Variants in SLIT2 observed in about 807,000 individuals in gnomAD.
SLIT2 encodes slit homolog 2 protein.
In SLIT2, 41 loss-of-function variants were observed where a neutral mutation model predicts 185.7. The ratio of observed to expected loss-of-function variants is 0.22; its 90% CI spans 0.17 to 0.29. The LOEUF is 0.29. Among genes scored for constraint, SLIT2 ranks in the 10% least tolerant of loss-of-function variants. The pLI, the probability that SLIT2 is intolerant of heterozygous loss-of-function variation, is 1.00. For synonymous variants in SLIT2, 693 were observed against 680.2 expected (o/e 1.02, Z -0.29); for missense variants, 1,571 against 1,909.0 (o/e 0.82, Z 3.30).
At chr4:20,442,616 C>T (rs988817403) in intron 4 of SLIT2, among the ~76,000 whole-genome samples, 14 of 150,892 alleles carry the variant, frequency 9.3e-5, no homozygotes, top group South Asian at 2.1e-4. Context: ...CGGAAAGGAG[C>T]GAATTGTAGA....
chr4:20,358,358 A>AT (rs1412091617), intron 4 of SLIT2, among the ~76,000 whole-genome samples: 1 of 152,164 alleles, frequency 6.6e-6, no homozygotes, highest in East Asian at 1.9e-4. Context: ...TATCCACTGT[A>AT]TTTTTAACGC....
chr4:20,524,911 C>T (rs1016262372), intron 14 of SLIT2, among the ~76,000 whole-genome samples: 13 of 152,134 alleles, frequency 8.5e-5, no homozygotes, highest in Non-Finnish European at 1.6e-4. Context: ...AGGCGTATTT[C>T]ACATTCGGCA....
chr4:20,414,896 T>G (rs1379084413), intron 4 of SLIT2, among the ~76,000 whole-genome samples: 2 of 152,186 alleles, frequency 1.3e-5, no homozygotes, highest in Non-Finnish European at 2.9e-5. Context: ...GCTTCTTGGA[T>G]GTATAGATTT....
intron 22 of SLIT2, among the ~76,000 whole-genome samples, chr4:20,547,419 T>A (rs533466126): frequency 6.6e-6 from 1 of 152,178 alleles, no homozygotes; most frequent in East Asian, 1.9e-4. Context: ...GATACAACTC[T>A]AGGCAAGTTA....
At chr4:20,430,395 A>G (rs1334605357) in intron 4 of SLIT2, among the ~76,000 whole-genome samples, 1 of 152,174 alleles carries the variant, frequency 6.6e-6, no homozygotes, top group Non-Finnish European at 1.5e-5. Context: ...GTTTTTGAAG[A>G]CATTATGCAC....
In SLIT2 at chr4:20,620,125, G is replaced by A. The variant is rs545950112; in HGVS notation, c.*1116G>A. ...TTGTACAGAAAGAAGTGGCCCCTCT[G>A]CAACATGTCCTCACAGAAACGAAAT... On this transcript the variant is annotated 3_prime_UTR_variant, in exon 37 of 37. Coordinates refer to ENST00000504154, the MANE Select transcript of SLIT2 (RefSeq NM_004787.4). 11 of 235,246 alleles carry A rather than the reference G, an allele frequency of 4.7e-5. No individual in the cohort carries two copies. In the East Asian group the frequency reaches 6.0e-4, roughly 13 times the overall value. 14.6% of individuals were successfully genotyped at this position (235,246 alleles called of 1,614,324 possible).
intron 4 of SLIT2, among the ~76,000 whole-genome samples, chr4:20,289,968 G>T (rs754807825): frequency 6.6e-5 from 10 of 152,178 alleles, no homozygotes; most frequent in Non-Finnish European, 1.3e-4. Flanking sequence ...AGCTGCACAG[G>T]CATATGCAGT....
At chr4:20,544,142 G>A (rs1413612662) in intron 21 of SLIT2, among the ~76,000 whole-genome samples, 1 of 151,982 alleles carries the variant, frequency 6.6e-6, no homozygotes, top group African/African-American at 2.4e-5. Context: ...CCTGCATGTT[G>A]TGCACATGTA....
At chr4:20,471,430 T>C (rs985415487) in intron 5 of SLIT2, among the ~76,000 whole-genome samples, 1 of 152,134 alleles carries the variant, frequency 6.6e-6, no homozygotes, top group African/African-American at 2.4e-5. Context: ...TAGTATTTGG[T>C]GTAAGAAGAA....
intron 4 of SLIT2, among the ~76,000 whole-genome samples, chr4:20,387,357 C>T (rs1725014035): frequency 6.6e-6 from 1 of 151,822 alleles, no homozygotes; most frequent in African/African-American, 2.4e-5. Flanking sequence ...TAAACCCATT[C>T]CACATCAATG....
rs1013712326 is a variant in SLIT2 at position 20,254,276 on chromosome 4, G to C, written c.179+282G>C. Among the ~76,000 whole-genome samples the C allele has an allele frequency of 6.6e-6, 1 of 152,164 alleles. No homozygotes were observed. The highest frequency in any genetic ancestry group is 1.5e-5 in the Non-Finnish European group (1 of 68,034). The stretch of plus-strand genomic sequence containing the variant: ...GCTAGTTCTCTGGGGCTGGGGAGCG[G>C]GTAGATAGGGGACAAGTACTGGAGG... On this transcript the variant is annotated intron_variant, in intron 1 of 36. Transcript: ENST00000504154. This position sits in a 1 kb window ranked among gnomAD's most constrained non-coding sequence, Gnocchi z 5.1.
rs142149579 is a variant in SLIT2, at chr4:20,489,092, T to C, written c.775+110T>C. The C allele has an allele frequency of 8.6e-5, 64 of 748,272 alleles. 1 individual carries two copies. In the African/African-American group the frequency reaches 9.5e-4, roughly 11 times the overall value. 46.4% of individuals were successfully genotyped at this position (748,272 alleles called of 1,614,324 possible). A position where few individuals can be genotyped will look rare whatever the true frequency, so the allele number is the denominator to read the frequency against. On this transcript the variant is annotated intron_variant, in intron 8 of 36. Transcript: ENST00000504154. Reference sequence around the variant, plus strand: ...TCAGTATTGTTCACTAATGTTCAATTGTGCACTAATCACTCTACAGAGATC... The same window carrying C: ...TCAGTATTGTTCACTAATGTTCAATCGTGCACTAATCACTCTACAGAGATC...
chr4:20,255,150 C>T, intron 1 of SLIT2: 1 of 426,642 alleles, frequency 2.3e-6, no homozygotes, highest in Non-Finnish European at 4.7e-6. Context: ...CAGGGGCCAG[C>T]GCGTCTGGAT....
At chr4:20,556,770 C>T (rs1176987273) in intron 26 of SLIT2, among the ~76,000 whole-genome samples, 2 of 151,998 alleles carry the variant, frequency 1.3e-5, no homozygotes, top group African/African-American at 2.4e-5. Flanking sequence ...AGGAAGGCCA[C>T]GTTGAAAGCC....
At chr4:20,314,720 A>T (rs1393000786) in intron 4 of SLIT2, among the ~76,000 whole-genome samples, 4 of 152,148 alleles carry the variant, frequency 2.6e-5, no homozygotes, top group East Asian at 1.9e-4. Context: ...GACTTTATTT[A>T]AAAAGACAAA....
At chr4:20,603,756 ACT>A (rs1162239337) in intron 33 of SLIT2, among the ~76,000 whole-genome samples, 7 of 152,120 alleles carry the variant, frequency 4.6e-5, no homozygotes, top group African/African-American at 1.7e-4. Flanking sequence ...GGCTACATAC[ACT>A]CTGGGTTGTG....
At position 20,395,674 on chromosome 4, in the gene SLIT2, G is replaced by A. The variant is rs76374027; in HGVS notation, c.396-72078G>A. On this transcript the variant is annotated intron_variant, in intron 4 of 36. Coordinates refer to ENST00000504154, the MANE Select transcript of SLIT2 (RefSeq NM_004787.4). ...ATAAAATACATTACCTTTATAAATA[G>A]CTACATGCTAGCTCTTAACACAGAT... Among the ~76,000 whole-genome samples, 728 of 152,004 alleles carry A rather than the reference G, an allele frequency of 4.8e-3. 7 individuals are homozygous for A. Among genetic ancestry groups the A allele is most frequent in the African/African-American group, 0.017 (692 of 41,486 alleles).
intron 29 of SLIT2, among the ~76,000 whole-genome samples, chr4:20,571,518 A>C (rs536097430): frequency 2.0e-5 from 3 of 152,316 alleles, no homozygotes; most frequent in Non-Finnish European, 4.4e-5. Flanking sequence ...TTTTGAAATC[A>C]TTGACACATA....
chr4:20,440,329 A>G (rs1205241843), intron 4 of SLIT2, among the ~76,000 whole-genome samples: 1 of 152,216 alleles, frequency 6.6e-6, no homozygotes, highest in African/African-American at 2.4e-5. Flanking sequence ...TGGGCTTGGC[A>G]GGGATGCATT....
Sources: gnomAD v4.1 joint callset for allele counts (sites outside exome capture counted in the v4.1 genomes callset) on GRCh38, gnomAD v4.1.1 for gene constraint, Gnocchi (gnomAD v3.1) non-coding constraint, MANE v1.5 for transcripts, NCBI Gene and HGNC (gene_info 2026-07-23, HGNC 2026-07-21) for gene names.